The following KLF7 variants were observed in gnomAD, a reference collection of about 807,000 sequenced individuals.
KLF7 encodes the protein KLF transcription factor 7, also known as Krueppel-like factor 7.
In KLF7, 2 loss-of-function variants were observed where a neutral mutation model predicts 27.3. The ratio of observed to expected loss-of-function variants is 0.07; its 90% CI spans 0.03 to 0.23. KLF7 has a LOEUF of 0.23. KLF7 is among the 10% of genes least tolerant of loss of function. KLF7 has a pLI of 1.00. For synonymous variants in KLF7, 165 were observed against 162.4 expected (o/e 1.02, Z -0.12); for missense variants, 221 against 394.1 (o/e 0.56, Z 3.72).
intron 1 of KLF7, among the ~76,000 whole-genome samples, chr2:207,149,486 G>A (rs2078184329): frequency 6.6e-6 from 1 of 152,230 alleles, no homozygotes; most frequent in African/African-American, 2.4e-5. Flanking sequence ...CTGCTCAGCG[G>A]TGGTGCTGTC....
rs1267439195 is a variant in KLF7, at chr2:207,088,593, G to C, written c.734-12C>G. Reference sequence around the variant, plus strand: ...ATAAGGCTTCTCACCTGCAAGAAGAGATGGAAGGACCGTGGTCAGCAGCAG... The same window carrying C: ...ATAAGGCTTCTCACCTGCAAGAAGACATGGAAGGACCGTGGTCAGCAGCAG... On this transcript the variant is annotated splice_polypyrimidine_tract_variant and intron_variant, in intron 2 of 3. Transcript: ENST00000309446. The C allele has an allele frequency of 3.7e-6, 6 of 1,612,474 alleles. No homozygotes were observed. The highest frequency in any genetic ancestry group is 1.3e-5 in the African/African-American group (1 of 74,910).
At chr2:207,166,848 C>T, upstream of KLF7, 1 of 1,048,238 alleles carries the variant, frequency 9.5e-7, no homozygotes. Context: ...GGAGGAAGTG[C>T]CACACAATGG....
intron 1 of KLF7, among the ~76,000 whole-genome samples, chr2:207,146,020 G>T (rs1261167199): frequency 6.6e-6 from 1 of 152,224 alleles, no homozygotes; most frequent in Non-Finnish European, 1.5e-5. Flanking sequence ...GAACGAGTGT[G>T]ACCATTCTAA....
At chr2:207,108,142 G>T (rs1162293887) in intron 2 of KLF7, among the ~76,000 whole-genome samples, 1 of 152,132 alleles carries the variant, frequency 6.6e-6, no homozygotes, top group East Asian at 1.9e-4. Context: ...TTCTGGCTTT[G>T]CTCATTAACT....
chr2:207,149,943 C>T (rs1188889036), intron 1 of KLF7, among the ~76,000 whole-genome samples: 1 of 151,394 alleles, frequency 6.6e-6, no homozygotes, highest in Admixed American at 6.6e-5. Flanking sequence ...CCAGGTAAGT[C>T]CCCGTCTTCT....
chr2:207,148,827 TC>T (rs1394895661), intron 1 of KLF7, among the ~76,000 whole-genome samples: 1 of 152,102 alleles, frequency 6.6e-6, no homozygotes, highest in Non-Finnish European at 1.5e-5. Context: ...CCAGGCTGAC[TC>T]CCCGGGGCCA....
chr2:207,155,682 A>C (rs1194253331), intron 1 of KLF7, among the ~76,000 whole-genome samples: 1 of 152,214 alleles, frequency 6.6e-6, no homozygotes, highest in Non-Finnish European at 1.5e-5. Context: ...GGAAGAAATG[A>C]AGTCGACTCA....
chr2:207,083,316 CTTCT>C (rs1390728224), intron 3 of KLF7, among the ~76,000 whole-genome samples: 3 of 152,134 alleles, frequency 2.0e-5, no homozygotes, highest in African/African-American at 7.2e-5. Context: ...TTCTCCCTGC[CTTCT>C]TTCTTCCTTC....
At chr2:207,116,974 C>G (rs549908396) in intron 2 of KLF7, among the ~76,000 whole-genome samples, 1 of 152,042 alleles carries the variant, frequency 6.6e-6, no homozygotes, top group African/African-American at 2.4e-5. Flanking sequence ...GCGAGGTCCT[C>G]GGCAATAAAG....
At chr2:207,092,616 C>T (rs1006286164) in intron 2 of KLF7, among the ~76,000 whole-genome samples, 1 of 152,194 alleles carries the variant, frequency 6.6e-6, no homozygotes, top group Non-Finnish European at 1.5e-5. Flanking sequence ...GTCAAGAACT[C>T]GCGTTCTCCC....
rs1040477207 is a variant in KLF7 at position 207,076,371 on chromosome 2, T to C, written c.*4842A>G. The C allele has an allele frequency of 2.6e-5, 4 of 152,154 alleles. No homozygotes were observed. Among genetic ancestry groups the C allele is most frequent in the Non-Finnish European group, 4.4e-5 (3 of 68,026 alleles). 9.4% of individuals were successfully genotyped at this position (152,154 alleles called of 1,614,324 possible). A position where few individuals can be genotyped will look rare whatever the true frequency, so the allele number is the denominator to read the frequency against. ...CTTGTTTGGGATATTTGTGAAGTGA[T>C]GGCCCAGGATTTCTCTCTCTGTTTT... On this transcript the variant is annotated 3_prime_UTR_variant, in exon 4 of 4. Coordinates refer to ENST00000309446, the MANE Select transcript of KLF7 (RefSeq NM_003709.4).
intron 2 of KLF7, among the ~76,000 whole-genome samples, chr2:207,093,259 G>C (rs1166565770): frequency 2.0e-5 from 3 of 152,182 alleles, no homozygotes; most frequent in African/African-American, 7.2e-5. Flanking sequence ...AAGTGTAAAA[G>C]TTCCAATGGT....
chr2:207,165,764 C>T lies in KLF7; in HGVS notation c.-196G>A. ...AGGGAGAGAGGAGGTGAGAGAGGAG[C>T]GAGTGAGTGGGGTGGATGGAGAGAG... On this transcript the variant is annotated 5_prime_UTR_variant, in exon 1 of 4. Coordinates refer to ENST00000309446, the MANE Select transcript of KLF7 (RefSeq NM_003709.4). 1 of 1,432,826 alleles carries T rather than the reference C, an allele frequency of 7.0e-7. No individual in the cohort carries two copies. 88.8% of individuals were successfully genotyped at this position (1,432,826 alleles called of 1,614,324 possible).
At chr2:207,084,900 C>T (rs534402108) in intron 3 of KLF7, among the ~76,000 whole-genome samples, 8 of 152,066 alleles carry the variant, frequency 5.3e-5, no homozygotes, top group East Asian at 1.9e-4. Context: ...TCGTGGCTCG[C>T]GCCTGTAATC....
In KLF7 at chr2:207,080,622, C is replaced by A. The variant is rs1338675284; in HGVS notation, c.*591G>T. 2 of 385,004 alleles carry A rather than the reference C, an allele frequency of 5.2e-6. No homozygotes were observed. Among genetic ancestry groups the A allele is most frequent in the East Asian group, 7.4e-5 (2 of 27,202 alleles). The allele number at this position is 385,004 out of a possible 1,614,324, so 23.8% of individuals were successfully genotyped here. Reference sequence around the variant, plus strand: ...TCAACAGTTCTGTGAGGAAGTCTGACGCACGGAATAGTAGGACTTTTCACA... The same window carrying A: ...TCAACAGTTCTGTGAGGAAGTCTGAAGCACGGAATAGTAGGACTTTTCACA... On this transcript the variant is annotated 3_prime_UTR_variant, in exon 4 of 4. Coordinates refer to ENST00000309446, the MANE Select transcript of KLF7 (RefSeq NM_003709.4).
intron 1 of KLF7, among the ~76,000 whole-genome samples, chr2:207,155,706 G>A (rs1019183952): frequency 1.3e-4 from 20 of 152,172 alleles, no homozygotes; most frequent in African/African-American, 4.8e-4. Context: ...CTGACCTTAA[G>A]CAGCATCTCA....
At chr2:207,137,416 C>G (rs919729556) in intron 1 of KLF7, among the ~76,000 whole-genome samples, 21 of 152,218 alleles carry the variant, frequency 1.4e-4, no homozygotes, top group Non-Finnish European at 2.9e-5. Flanking sequence ...TGGGCCCATC[C>G]TGGTATCTTT....
rs141390304 is a variant in KLF7 at position 207,093,481 on chromosome 2, C to T, written c.734-4900G>A. Reference sequence around the variant, plus strand: ...ACACTCTTGCTCCCTCACTTCATTCCGGTCTCTGCCTGAATGTCTCCTCCT... The same window carrying T: ...ACACTCTTGCTCCCTCACTTCATTCTGGTCTCTGCCTGAATGTCTCCTCCT... On this transcript the variant is annotated intron_variant, in intron 2 of 3. Transcript: ENST00000309446. Among the ~76,000 whole-genome samples, 762 of 152,310 alleles carry T rather than the reference C, an allele frequency of 5.0e-3. 12 individuals are homozygous for T. Among genetic ancestry groups the T allele is most frequent in the African/African-American group, 0.017 (708 of 41,568 alleles).
chr2:207,137,069 A>G (rs2077810141), intron 1 of KLF7, among the ~76,000 whole-genome samples: 1 of 152,088 alleles, frequency 6.6e-6, no homozygotes, highest in Non-Finnish European at 1.5e-5. Context: ...TAACATGAAC[A>G]AAACCCACCC....
Sources: allele counts gnomAD v4.1 joint callset (sites outside exome capture counted in the v4.1 genomes callset), GRCh38; gene constraint gnomAD v4.1.1; transcripts MANE v1.5; gene names NCBI Gene and HGNC (gene_info 2026-07-23, HGNC 2026-07-21).